The following FCF1 variants were observed in gnomAD, a reference collection of about 807,000 sequenced individuals.
FCF1 encodes FCF1 rRNA-processing protein.
FCF1 carries 17 observed loss-of-function variants against 32.5 expected under a neutral mutation model. The ratio of observed to expected loss-of-function variants is 0.52; its 90% CI spans 0.36 to 0.78. The LOEUF is 0.78. Among genes scored for constraint, FCF1 ranks in the 30% least tolerant of loss-of-function variants. The pLI is 0.00. For missense variants in FCF1, 201 were observed against 241.1 expected (o/e 0.83, Z 1.10); for synonymous variants, 84 against 78.4 (o/e 1.07, Z -0.38).
intron 3 of FCF1, 85 bp downstream of exon 3, chr14:74,715,028 T>A: frequency 1.5e-6 from 2 of 1,328,452 alleles, no homozygotes; most frequent in Non-Finnish European, 2.0e-6. Context: ...TTTGCTAACT[T>A]ATTTGTTAGT....
At chr14:74,723,742 C>T (rs1040876390) in intron 5 of FCF1, among the ~76,000 whole-genome samples, 4 of 150,988 alleles carry the variant, frequency 2.6e-5, no homozygotes, top group East Asian at 2.0e-4. Flanking sequence ...GCAGGAGAAT[C>T]GCTTGAACCT....
rs376863588 is a variant in FCF1, at chr14:74,734,989, C to T, written c.*59C>T. On this transcript the variant is annotated 3_prime_UTR_variant, in exon 8 of 8. Transcript: ENST00000341162. ...GACCAACTTTCTCTTGTTGCCAGTT[C>T]ATTACACAAAATGTAGCGGGATTTT... The T allele has an allele frequency of 1.4e-6, 2 of 1,382,000 alleles. No individual in the cohort carries two copies. Among genetic ancestry groups the T allele is most frequent in the African/African-American group, 1.4e-5 (1 of 70,340 alleles). 85.6% of individuals were successfully genotyped at this position (1,382,000 alleles called of 1,614,324 possible). A position where few individuals can be genotyped will look rare whatever the true frequency, so the allele number is the denominator to read the frequency against.
chr14:74,714,119 A>T (rs2140015338), intron 2 of FCF1, among the ~76,000 whole-genome samples: 1 of 152,322 alleles, frequency 6.6e-6, no homozygotes, highest in Non-Finnish European at 1.5e-5. Context: ...AGTGTAGAAT[A>T]AGCATAGCTA....
chr14:74,722,038 G>C (rs1352786803), intron 4 of FCF1, among the ~76,000 whole-genome samples: 1 of 143,348 alleles, frequency 7.0e-6, no homozygotes, highest in Admixed American at 7.8e-5. Context: ...CCTCAATATT[G>C]GGTATTTTCT....
At position 74,730,789 on chromosome 14, in the gene FCF1, C is replaced by G. The variant is rs573717689; in HGVS notation, c.366-1942C>G. ...CTGAGGTAGGCAGATCATCTGAGGTCGGGAGTTCTAGACCAGCCTGGCTAA... is the reference window on the plus strand; with the variant it reads ...CTGAGGTAGGCAGATCATCTGAGGTGGGGAGTTCTAGACCAGCCTGGCTAA... On this transcript the variant is annotated intron_variant, in intron 5 of 7. Transcript: ENST00000341162. 2.6e-5 allele frequency among the ~76,000 whole-genome samples: 4 copies of G among 152,168 alleles called. No homozygotes were observed. The South Asian group carries it at 8.3e-4, about 32-fold the overall frequency.
intron 5 of FCF1, among the ~76,000 whole-genome samples, chr14:74,726,391 G>A (rs1011410643): frequency 3.9e-5 from 6 of 152,066 alleles, no homozygotes; most frequent in Admixed American, 1.3e-4. Context: ...GGAGGCTGAG[G>A]TAGGAGGATT....
chr14:74,714,879 A>G lies in FCF1; in HGVS notation c.79A>G (p.Lys27Glu), dbSNP rs2090395336. The change falls in exon 3 of 8, where the codon AAG (lysine) becomes GAG (glutamate). Residue 27 changes from lysine to glutamate, a missense_variant. Lys to Glu is a moderately conservative substitution (Grantham distance 56). Coordinates refer to ENST00000341162, the MANE Select transcript of FCF1 (RefSeq NM_015962.5). ...LSLRDQRLKE[K>E]DRLKPKKKEK... ...TTACCTTTTTCTTCCTAGTAAAGAA[A>G]AGGATAGATTAAAACCTAAAAAGAA... The G allele has an allele frequency of 6.3e-7, 1 of 1,580,462 alleles. No individual in the cohort carries two copies. The highest frequency in any genetic ancestry group is 1.4e-5 in the African/African-American group (1 of 73,156).
intron 5 of FCF1, among the ~76,000 whole-genome samples, chr14:74,729,081 T>TG (rs1474298969): frequency 6.6e-6 from 1 of 152,220 alleles, no homozygotes; most frequent in African/African-American, 2.4e-5. Flanking sequence ...GTTGTGTCTC[T>TG]GCCCGGCTTT....
chr14:74,713,239 A>C (rs766221110), intron 1 of FCF1, 39 bp downstream of exon 1: 1 of 1,614,048 alleles, frequency 6.2e-7, no homozygotes, highest in Non-Finnish European at 8.5e-7. Context: ...TTATCAGGCC[A>C]CTTTTTGGGT....
chr14:74,730,451 C>T (rs1487484857), intron 5 of FCF1, among the ~76,000 whole-genome samples: 2 of 151,774 alleles, frequency 1.3e-5, no homozygotes, highest in African/African-American at 2.4e-5. Context: ...TGGTGGTTCA[C>T]GTCTGTAATC....
chr14:74,727,174 A>G (rs1204171815), intron 5 of FCF1, among the ~76,000 whole-genome samples: 2 of 152,228 alleles, frequency 1.3e-5, no homozygotes, highest in African/African-American at 4.8e-5. Flanking sequence ...TCCCTGAGGA[A>G]TCACCACACT....
At chr14:74,723,752 T>C (rs6574191) in intron 5 of FCF1, among the ~76,000 whole-genome samples, 104,581 of 150,450 alleles carry the variant, frequency 0.7, 36,425 homozygotes, top group East Asian at 0.75. Flanking sequence ...CGCTTGAACC[T>C]AGGAGGCGGA....
chr14:74,738,564 C>G lies in FCF1; in HGVS notation c.*3634C>G, dbSNP rs2090726896. The G allele has an allele frequency of 6.6e-6, 1 of 152,026 alleles. No homozygotes were observed. The highest frequency in any genetic ancestry group is 6.5e-5 in the Admixed American group (1 of 15,270). The allele number at this position is 152,026 out of a possible 1,614,324, so 9.4% of individuals were successfully genotyped here. ...TGACAGAAGTGCAAATATTTATGGC[C>G]ATTTTTTACAGCTGTTGACAAGATC... On this transcript the variant is annotated 3_prime_UTR_variant, in exon 8 of 8. Transcript: ENST00000341162.
At chr14:74,714,428 A>G (rs2090385617) in intron 2 of FCF1, among the ~76,000 whole-genome samples, 3 of 152,200 alleles carry the variant, frequency 2.0e-5, no homozygotes, top group African/African-American at 7.2e-5. Context: ...TTTCTAGTTA[A>G]GGGTTAAGTT....
chr14:74,730,482 G>C (rs1300714145), intron 5 of FCF1, among the ~76,000 whole-genome samples: 4 of 152,060 alleles, frequency 2.6e-5, no homozygotes, highest in Non-Finnish European at 5.9e-5. Context: ...GGAAGGCTGT[G>C]GCGGGCAGAT....
chr14:74,718,668 C>T (rs1233558029), intron 4 of FCF1, among the ~76,000 whole-genome samples: 1 of 151,818 alleles, frequency 6.6e-6, no homozygotes, highest in Non-Finnish European at 1.5e-5. Context: ...GACGGGGTTT[C>T]TCTATGTTGG....
chr14:74,732,657 G>C, intron 5 of FCF1, 74 bp from the exon 6 acceptor site: 4 of 980,892 alleles, frequency 4.1e-6, no homozygotes, highest in Non-Finnish European at 6.5e-6. Flanking sequence ...CATAGATCAT[G>C]TTACTTTTAT....
chr14:74,713,779 T>C (rs1242266773), intron 2 of FCF1, among the ~76,000 whole-genome samples: 8 of 152,222 alleles, frequency 5.3e-5, no homozygotes, highest in African/African-American at 1.9e-4. Context: ...TCTACCGTTA[T>C]ATGCTTTGTC....
intron 5 of FCF1, among the ~76,000 whole-genome samples, chr14:74,723,597 G>C (rs2090535377): frequency 6.6e-6 from 1 of 151,978 alleles, no homozygotes; most frequent in African/African-American, 2.4e-5. Flanking sequence ...GGGAGGCCGA[G>C]GCAGGCAGAT....
Sources: gnomAD v4.1 joint callset for allele counts (sites outside exome capture counted in the v4.1 genomes callset) on GRCh38, gnomAD v4.1.1 for gene constraint, MANE v1.5 for transcripts, NCBI Gene and HGNC (gene_info 2026-07-23, HGNC 2026-07-21) for gene names.